The following SLC36A1 variants were observed in gnomAD, a reference collection of about 807,000 sequenced individuals.
SLC36A1 encodes the protein solute carrier family 36 member 1.
In SLC36A1, 30 loss-of-function variants were observed where a neutral mutation model predicts 47.5. That is an observed-to-expected ratio of 0.63 (90% CI 0.47 to 0.86). SLC36A1 has a LOEUF of 0.86. SLC36A1 is among the 40% of genes least tolerant of loss of function. SLC36A1 has a pLI of 0.00. For synonymous variants in SLC36A1, 255 were observed against 249.7 expected, an observed-to-expected ratio of 1.02 and a Z score of -0.20; for missense variants, 517 against 606.0, an observed-to-expected ratio of 0.85 and a Z score of 1.54.
chr5:151,381,424 A>G, the SLC36A1 span: 1 of 164,968 alleles, frequency 6.1e-6, no homozygotes, highest in Non-Finnish European at 1.3e-5. Context: ...CCTGGGCACA[A>G]GCTGAACTAA....
the SLC36A1 span, among the ~76,000 whole-genome samples, chr5:151,364,806 CT>C: frequency 6.6e-6 from 1 of 152,158 alleles, no homozygotes; most frequent in Non-Finnish European, 1.5e-5. Flanking sequence ...CACCAACAGG[CT>C]TTTCTTCCAT....
Position 151,467,420 on chromosome 5 carries a change from A to G in SLC36A1, c.504+137A>G, listed in dbSNP as rs73796598. 1.5e-3 allele frequency: 1,044 copies of G among 674,272 alleles called. 6 individuals carry two copies. The African/African-American group carries it at 0.017, about 11-fold the overall frequency. The allele number at this position is 674,272 out of a possible 1,614,324, so 41.8% of individuals were successfully genotyped here. ...GAGTTAAAGTTTTCATATTTTACATAGATCTACGTCTTCTATTTGATTCCC... is the reference window on the plus strand; with the variant it reads ...GAGTTAAAGTTTTCATATTTTACATGGATCTACGTCTTCTATTTGATTCCC... On this transcript the variant is annotated intron_variant, in intron 6 of 10. Coordinates refer to ENST00000243389, the MANE Select transcript of SLC36A1 (RefSeq NM_078483.4).
the SLC36A1 span, among the ~76,000 whole-genome samples, chr5:151,397,411 G>T: frequency 2.0e-5 from 3 of 152,220 alleles, no homozygotes; most frequent in African/African-American, 7.2e-5. Flanking sequence ...AGAAGAAGCT[G>T]CTAGCCACTC....
chr5:151,499,296 C>T, the SLC36A1 span, among the ~76,000 whole-genome samples: 1,764 of 152,252 alleles, frequency 0.012, 24 homozygotes, highest in African/African-American at 0.04. Context: ...AGAGGCTGCC[C>T]GAGGGTTTCC....
the SLC36A1 span, among the ~76,000 whole-genome samples, chr5:151,532,730 G>A: frequency 6.6e-6 from 1 of 152,210 alleles, no homozygotes; most frequent in Non-Finnish European, 1.5e-5. Flanking sequence ...TTAAGTACCA[G>A]ATGAAGCAGT....
chr5:151,345,364 C>T, the SLC36A1 span, among the ~76,000 whole-genome samples: 2 of 152,202 alleles, frequency 1.3e-5, no homozygotes, highest in Admixed American at 6.5e-5. Context: ...CTAGCTGTGT[C>T]ATCTTGGGCA....
chr5:151,467,176 A>T, intron 5 of SLC36A1, 23 bp from the exon 6 acceptor site: 3 of 1,545,056 alleles, frequency 1.9e-6, no homozygotes, highest in Non-Finnish European at 2.7e-6. Flanking sequence ...CAGTCTTTGT[A>T]TTCCTTCCTT....
In SLC36A1 at chr5:151,489,508, A is replaced by G. The variant is rs920749654; in HGVS notation, c.*1254A>G. ...AATCAGTGGGGAAAAGGGCAGAACC[A>G]GTGCCCGGCCCCACACTGCCTCTGT... is the stretch of plus-strand genomic sequence containing the variant. On this transcript the variant is annotated 3_prime_UTR_variant, in exon 11 of 11. Transcript: ENST00000243389. This position sits in a 1 kb window ranked among gnomAD's most constrained non-coding sequence, Gnocchi z 4.5. 6.5e-6 allele frequency: 1 copy of G among 152,684 alleles called. No individual in the cohort carries two copies. Among genetic ancestry groups the G allele is most frequent in the African/African-American group, 2.4e-5 (1 of 41,462 alleles). The allele number at this position is 152,684 out of a possible 1,614,324, so 9.5% of individuals were successfully genotyped here.
the SLC36A1 span, chr5:151,511,461 TC>T: frequency 6.6e-6 from 1 of 152,444 alleles, no homozygotes; most frequent in East Asian, 1.9e-4. Flanking sequence ...GCCTGTGACT[TC>T]CACCCCTGGG....
At chr5:151,353,512 T>C in the SLC36A1 span, among the ~76,000 whole-genome samples, 1 of 152,106 alleles carries the variant, frequency 6.6e-6, no homozygotes, top group Non-Finnish European at 1.5e-5. Context: ...TCCCCTACTA[T>C]TGACATCCAG....
intron 7 of SLC36A1, among the ~76,000 whole-genome samples, chr5:151,472,001 CCA>C (rs1757374416): frequency 6.6e-6 from 1 of 152,136 alleles, no homozygotes; most frequent in South Asian, 2.1e-4. Flanking sequence ...CCTGCCCCTT[CCA>C]CACAGTCTGT....
At chr5:151,532,389 A>T in the SLC36A1 span, among the ~76,000 whole-genome samples, 1 of 3,854 alleles carries the variant, frequency 2.6e-4, no homozygotes. Flanking sequence ...GCGTGTACAA[A>T]CACACACACA....
At chr5:151,385,383 A>T in the SLC36A1 span, among the ~76,000 whole-genome samples, 1 of 152,182 alleles carries the variant, frequency 6.6e-6, no homozygotes, top group African/African-American at 2.4e-5. Context: ...AGAAAGTCAC[A>T]TTTTTAAACC....
the SLC36A1 span, chr5:151,544,873 G>A: frequency 1.2e-6 from 2 of 1,614,130 alleles, no homozygotes; most frequent in Non-Finnish European, 1.7e-6. Context: ...GACATCCCCT[G>A]GCTCTGTGCC....
the SLC36A1 span, among the ~76,000 whole-genome samples, chr5:151,522,525 A>G: frequency 6.6e-6 from 1 of 152,168 alleles, no homozygotes; most frequent in South Asian, 2.1e-4. Context: ...CCCTTTTGCT[A>G]TGCGATTGGA....
At chr5:151,553,421 G>T in the SLC36A1 span, 1 of 1,601,258 alleles carries the variant, frequency 6.2e-7, no homozygotes, top group Non-Finnish European at 8.5e-7. Flanking sequence ...CTGAGGTTTG[G>T]GGCCAAGAGA....
At chr5:151,358,975 C>T in the SLC36A1 span, among the ~76,000 whole-genome samples, 3 of 107,490 alleles carry the variant, frequency 2.8e-5, no homozygotes, top group African/African-American at 4.6e-5. Context: ...AGCGAGACTC[C>T]GTCTCAAAAA....
intron 9 of SLC36A1, 101 bp downstream of exon 9, chr5:151,476,857 C>T: frequency 7.1e-7 from 1 of 1,414,422 alleles, no homozygotes; most frequent in Non-Finnish European, 9.8e-7. Flanking sequence ...TAAACCAGCC[C>T]ACTTCACTCT....
chr5:151,374,403 C>T, the SLC36A1 span, among the ~76,000 whole-genome samples: 1 of 152,282 alleles, frequency 6.6e-6, no homozygotes, highest in South Asian at 2.1e-4. Flanking sequence ...CGAACCGATA[C>T]AAGAACCTTT....
Sources: gnomAD v4.1 joint callset for allele counts (sites outside exome capture counted in the v4.1 genomes callset) on GRCh38, gnomAD v4.1.1 for gene constraint, Gnocchi (gnomAD v3.1) non-coding constraint, MANE v1.5 for transcripts, NCBI Gene and HGNC (gene_info 2026-07-23, HGNC 2026-07-21) for gene names.